The following MLXIPL variants were observed in gnomAD, a reference collection of about 807,000 sequenced individuals.
The protein encoded by MLXIPL is carbohydrate-responsive element-binding protein.
Under a neutral mutation model 81.5 loss-of-function variants are expected in MLXIPL, and 49 were observed. The ratio of observed to expected loss-of-function variants is 0.60; its 90% CI spans 0.48 to 0.76. MLXIPL has a LOEUF of 0.76. Among genes scored for constraint, MLXIPL ranks in the 30% least tolerant of loss-of-function variants. The pLI is 0.00. For synonymous variants in MLXIPL, 466 were observed against 485.5 expected, an observed-to-expected ratio of 0.96 and a Z score of 0.53; for missense variants, 1,053 against 1,167.0, an observed-to-expected ratio of 0.90 and a Z score of 1.42.
chr7:73,630,976 A>G, the MLXIPL span, among the ~76,000 whole-genome samples: 12,047 of 152,016 alleles, frequency 0.079, 528 homozygotes, highest in Middle Eastern at 0.13. Flanking sequence ...AGGTGAATGG[A>G]TAAATACATT....
intron 8 of MLXIPL, 112 bp downstream of exon 8, chr7:73,599,414 C>T: frequency 7.4e-7 from 1 of 1,359,178 alleles, no homozygotes; most frequent in African/African-American, 1.4e-5. Flanking sequence ...CCTCCAATCT[C>T]CAAGCAGAAG....
At chr7:73,602,094 G>GCCTT (rs879969597) in intron 7 of MLXIPL, among the ~76,000 whole-genome samples, 13 of 142,810 alleles carry the variant, frequency 9.1e-5, no homozygotes, top group African/African-American at 1.6e-4. Flanking sequence ...CTGCCTGCCT[G>GCCTT]CCTTCCTGCC....
At position 73,607,438 on chromosome 7, in the gene MLXIPL, G is replaced by C; in HGVS notation, c.484-18C>G. 6.5e-7 allele frequency: 1 copy of C among 1,549,600 alleles called. No individual in the cohort carries two copies. Among genetic ancestry groups the C allele is most frequent in the Non-Finnish European group, 8.7e-7 (1 of 1,144,822 alleles). On this transcript the variant is annotated intron_variant, in intron 3 of 16. Transcript: ENST00000313375. Reference sequence around the variant, plus strand: ...ACCACGGCCTGGGGTAGGGGCCGGGGGAGGGGGATCAGTAGAGAGGGGAGC... The same window carrying C: ...ACCACGGCCTGGGGTAGGGGCCGGGCGAGGGGGATCAGTAGAGAGGGGAGC...
At chr7:73,607,457 G>T in intron 3 of MLXIPL, 37 bp from the exon 4 acceptor site, 1 of 1,521,014 alleles carries the variant, frequency 6.6e-7, no homozygotes, top group South Asian at 1.2e-5. Flanking sequence ...TCAGTAGAGA[G>T]GGGAGCACCG....
At chr7:73,594,096 C>T in intron 16 of MLXIPL, 113 bp from the exon 17 acceptor site, 1 of 1,370,930 alleles carries the variant, frequency 7.3e-7, no homozygotes, top group Non-Finnish European at 1.0e-6. Context: ...CTGTCACCCC[C>T]TCCTAGAACC....
intron 1 of MLXIPL, among the ~76,000 whole-genome samples, chr7:73,619,449 C>CAA (rs1554601497): frequency 1.6e-4 from 21 of 132,234 alleles, no homozygotes; most frequent in East Asian, 4.6e-4. Flanking sequence ...CGACAGAGAG[C>CAA]GACTCCATCT....
chr7:73,618,924 G>A (rs782380865), intron 1 of MLXIPL, among the ~76,000 whole-genome samples: 2 of 152,194 alleles, frequency 1.3e-5, no homozygotes, highest in Non-Finnish European at 2.9e-5. Context: ...GGCAGGGTTA[G>A]AGCAGATGTG....
At chr7:73,635,809 CCTAA>C in the MLXIPL span, among the ~76,000 whole-genome samples, 4 of 152,160 alleles carry the variant, frequency 2.6e-5, no homozygotes, top group South Asian at 2.1e-4. Flanking sequence ...TATACACCTA[CCTAA>C]CTTTCTATTC....
At chr7:73,597,781 C>T (rs1337379663) in intron 8 of MLXIPL, 68 bp from the exon 9 acceptor site, 4 of 1,204,390 alleles carry the variant, frequency 3.3e-6, no homozygotes, top group Non-Finnish European at 4.3e-6. Context: ...CCATCTGGGC[C>T]TCCCCTGCCC....
At position 73,595,634 on chromosome 7, in the gene MLXIPL, T is replaced by C. The variant is rs781947293; in HGVS notation, c.2310+3A>G. The stretch of plus-strand genomic sequence containing the variant: ...CCCCAGCCATGGGCTTGAGGGAGGA[T>C]ACCACCCAGAACTTCCAGTTGTGCA... On this transcript the variant is annotated splice_donor_region_variant and intron_variant, in intron 15 of 16. Transcript: ENST00000313375. The C allele has an allele frequency of 6.2e-7, 1 of 1,614,122 alleles. No homozygotes were observed. Among genetic ancestry groups the C allele is most frequent in the African/African-American group, 1.3e-5 (1 of 75,054 alleles).
the MLXIPL span, among the ~76,000 whole-genome samples, chr7:73,641,792 C>A: frequency 1.3e-5 from 2 of 152,034 alleles, no homozygotes; most frequent in Non-Finnish European, 2.9e-5. Flanking sequence ...TATGCCATGA[C>A]GCCTGGCTAA....
chr7:73,601,701 T>G (rs1794838139), intron 7 of MLXIPL, among the ~76,000 whole-genome samples: 1 of 151,884 alleles, frequency 6.6e-6, no homozygotes, highest in African/African-American at 2.4e-5. Context: ...CAGCTAATTT[T>G]TGTATTTTTT....
At position 73,593,453 on chromosome 7, in the gene MLXIPL, G is replaced by A. The variant is rs549280816; in HGVS notation, c.*412C>T. On this transcript the variant is annotated 3_prime_UTR_variant, in exon 17 of 17. Transcript: ENST00000313375. ...AACAGAGGTCTGTGCCCCACCTGTC[G>A]GGGAGCAAGTGGAGGTGACAGAGAA... The A allele has an allele frequency of 6.5e-5, 19 of 292,816 alleles. No homozygotes were observed. Among genetic ancestry groups the A allele is most frequent in the Admixed American group, 1.3e-4 (3 of 22,940 alleles). The allele number at this position is 292,816 out of a possible 1,614,324, so 18.1% of individuals were successfully genotyped here. A position where few individuals can be genotyped will look rare whatever the true frequency, so the allele number is the denominator to read the frequency against.
intron 7 of MLXIPL, among the ~76,000 whole-genome samples, chr7:73,600,433 G>A (rs1357482463): frequency 9.5e-6 from 1 of 104,822 alleles, no homozygotes; most frequent in Non-Finnish European, 2.0e-5. Flanking sequence ...GAGGGGCTAA[G>A]GGTGGGCTCT....
At chr7:73,634,440 G>A in the MLXIPL span, among the ~76,000 whole-genome samples, 649 of 152,190 alleles carry the variant, frequency 4.3e-3, 4 homozygotes, top group African/African-American at 0.015. Flanking sequence ...TGCTCAGGCT[G>A]GAGTGCAGTG....
chr7:73,596,098 G>A lies in MLXIPL; in HGVS notation c.2058+55C>T, dbSNP rs1368702812. 4.4e-6 allele frequency: 7 copies of A among 1,601,634 alleles called. No homozygotes were observed. The East Asian group carries it at 6.7e-5, about 15-fold the overall frequency. On this transcript the variant is annotated intron_variant, in intron 13 of 16. Transcript: ENST00000313375. The surrounding 1 kb of genome is among the most constrained non-coding windows in gnomAD (Gnocchi z 4.7). Reference sequence around the variant, plus strand: ...CTGCAATTGAGTTTTGGGTGGGGGGGGTCCAGAAAGGGGCCCTGTGGTTTT... The same window carrying A: ...CTGCAATTGAGTTTTGGGTGGGGGGAGTCCAGAAAGGGGCCCTGTGGTTTT...
chr7:73,647,063 G>C, the MLXIPL span, among the ~76,000 whole-genome samples: 1 of 152,150 alleles, frequency 6.6e-6, no homozygotes, highest in Non-Finnish European at 1.5e-5. Context: ...CAGGCCCAGA[G>C]ACGGAAAGTC....
the MLXIPL span, among the ~76,000 whole-genome samples, chr7:73,640,126 C>T: frequency 6.6e-6 from 1 of 151,590 alleles, no homozygotes; most frequent in Non-Finnish European, 1.5e-5. Context: ...AGTTATGGGC[C>T]GGGCATGGTG....
the MLXIPL span, among the ~76,000 whole-genome samples, chr7:73,642,032 T>C: frequency 1.3e-5 from 2 of 152,190 alleles, no homozygotes; most frequent in African/African-American, 4.8e-5. Flanking sequence ...TCACAAGTAC[T>C]AGGCTGCCAC....
Sources: allele counts gnomAD v4.1 joint callset (sites outside exome capture counted in the v4.1 genomes callset), GRCh38; gene constraint gnomAD v4.1.1; non-coding constraint Gnocchi (gnomAD v3.1); transcripts MANE v1.5; gene names NCBI Gene and HGNC (gene_info 2026-07-23, HGNC 2026-07-21).